Variants in PCDH9 observed in about 807,000 individuals in gnomAD.
The protein encoded by PCDH9 is protocadherin 9.
A neutral mutation model predicts 70.6 loss-of-function variants in PCDH9; 24 were observed. The ratio of observed to expected loss-of-function variants is 0.34; its 90% CI spans 0.25 to 0.48. The LOEUF (loss-of-function observed/expected upper bound fraction) is 0.48, where lower values mean the gene tolerates loss of function less well. Among genes scored for constraint, PCDH9 ranks in the 20% least tolerant of loss-of-function variants. The pLI, the probability that PCDH9 is intolerant of heterozygous loss-of-function variation, is 0.99. For missense variants in PCDH9, 1,281 were observed against 1,503.6 expected (o/e 0.85, Z 2.45); for synonymous variants, 562 against 558.5 (o/e 1.01, Z -0.09).
chr13:67,040,207 T>C (rs1451914306), intron 2 of PCDH9, among the ~76,000 whole-genome samples: 5 of 152,206 alleles, frequency 3.3e-5, no homozygotes, highest in Admixed American at 3.3e-4. Context: ...CCAGACGTTA[T>C]ATGTTGAAAC....
Position 66,571,624 on chromosome 13 carries a change from C to T in PCDH9, c.3340+59586G>A, listed in dbSNP as rs117167714. On this transcript the variant is annotated intron_variant, in intron 4 of 4. Coordinates refer to ENST00000377865, the MANE Select transcript of PCDH9 (RefSeq NM_203487.3). ...TCCTCATTATCGCTTGATAGTTCAACGGCTAAAAGACTGTTGTTTTTGTAT... is the reference window on the plus strand; with the variant it reads ...TCCTCATTATCGCTTGATAGTTCAATGGCTAAAAGACTGTTGTTTTTGTAT... Among the ~76,000 whole-genome samples, 79 of 151,950 alleles carry T rather than the reference C, an allele frequency of 5.2e-4. 1 individual carries two copies. Among genetic ancestry groups the T allele is most frequent in the East Asian group, 3.1e-3 (16 of 5,162 alleles).
intron 3 of PCDH9, among the ~76,000 whole-genome samples, chr13:66,853,937 T>C (rs1359652139): frequency 2.0e-5 from 3 of 152,078 alleles, no homozygotes; most frequent in African/African-American, 7.2e-5. Context: ...ATGATGTAAA[T>C]TGGAGAAAAA....
chr13:67,211,348 T>C (rs1237096522), intron 2 of PCDH9: 1 of 152,016 alleles, frequency 6.6e-6, no homozygotes, highest in East Asian at 1.9e-4. Context: ...AGCTTGATGG[T>C]TATCACAGAA....
chr13:66,958,782 C>T (rs1312612769), intron 2 of PCDH9, among the ~76,000 whole-genome samples: 1 of 152,060 alleles, frequency 6.6e-6, no homozygotes, highest in African/African-American at 2.4e-5. Context: ...AGGAGCTCTC[C>T]CCATTTCCAT....
intron 3 of PCDH9, among the ~76,000 whole-genome samples, chr13:66,747,380 CAAA>C: frequency 3.7e-5 from 1 of 26,718 alleles, no homozygotes; most frequent in East Asian, 9.8e-4. Flanking sequence ...CAAAACAAAA[CAAA>C]ACAAAACAAA....
At chr13:66,801,611 C>G (rs956109907) in intron 3 of PCDH9, among the ~76,000 whole-genome samples, 4 of 151,972 alleles carry the variant, frequency 2.6e-5, no homozygotes, top group African/African-American at 9.7e-5. Context: ...AGGGGAAAAT[C>G]TGCTTTCAAA....
intron 2 of PCDH9, among the ~76,000 whole-genome samples, chr13:66,920,895 T>C (rs2082627192): frequency 6.6e-6 from 1 of 151,214 alleles, no homozygotes; most frequent in Non-Finnish European, 1.5e-5. Context: ...AAACTGCTTC[T>C]TCCTATGAAT....
At chr13:66,496,612 C>T (rs962726055) in intron 4 of PCDH9, among the ~76,000 whole-genome samples, 58 of 152,132 alleles carry the variant, frequency 3.8e-4, no homozygotes, top group African/African-American at 1.4e-3. Flanking sequence ...AAACATCTGT[C>T]CTGTAATGGC....
At chr13:66,744,109 TAGAG>T (rs1745344277) in intron 3 of PCDH9, among the ~76,000 whole-genome samples, 1 of 152,200 alleles carries the variant, frequency 6.6e-6, no homozygotes, top group Non-Finnish European at 1.5e-5. Context: ...TGACTGGAAT[TAGAG>T]AGCCCCACGC....
At chr13:66,693,061 T>C (rs917175208) in intron 3 of PCDH9, among the ~76,000 whole-genome samples, 1 of 152,118 alleles carries the variant, frequency 6.6e-6, no homozygotes, top group African/African-American at 2.4e-5. Flanking sequence ...AGAAGATTCA[T>C]GGTAGTATAT....
chr13:67,055,517 C>A (rs1446433338), intron 2 of PCDH9, among the ~76,000 whole-genome samples: 2 of 152,018 alleles, frequency 1.3e-5, no homozygotes, highest in Non-Finnish European at 2.9e-5. Flanking sequence ...GGATTTATAT[C>A]CTAAGACAAA....
At chr13:66,425,662 A>T (rs1957656153) in intron 4 of PCDH9, among the ~76,000 whole-genome samples, 1 of 151,752 alleles carries the variant, frequency 6.6e-6, no homozygotes, top group Admixed American at 6.6e-5. Flanking sequence ...GGAGGGAACC[A>T]GGTGGATAGA....
intron 2 of PCDH9, among the ~76,000 whole-genome samples, chr13:67,144,414 A>C (rs1314235649): frequency 6.6e-6 from 1 of 152,160 alleles, no homozygotes; most frequent in African/African-American, 2.4e-5. Context: ...TGGAACTGTT[A>C]CTAAACAACA....
Position 67,103,066 on chromosome 13 carries a change from T to C in PCDH9, c.3036+122339A>G, listed in dbSNP as rs1195736252. ...ACAACAATAAAGGAAATAAAATAGC[T>C]CTGCTACACACATGTTTTTAAATGT... On this transcript the variant is annotated intron_variant, in intron 2 of 4. Coordinates refer to ENST00000377865, the MANE Select transcript of PCDH9 (RefSeq NM_203487.3). 3.9e-5 allele frequency among the ~76,000 whole-genome samples: 6 copies of C among 152,008 alleles called. No homozygotes were observed. The East Asian group carries it at 9.6e-4, about 24-fold the overall frequency.
At chr13:66,478,797 G>A (rs959079471) in intron 4 of PCDH9, among the ~76,000 whole-genome samples, 4 of 152,200 alleles carry the variant, frequency 2.6e-5, no homozygotes, top group African/African-American at 9.6e-5. Context: ...AAAGTACAAG[G>A]CGAAGCAGCA....
chr13:66,747,365 C>CAAAAT (rs899037441), intron 3 of PCDH9, among the ~76,000 whole-genome samples: 2 of 16,002 alleles, frequency 1.2e-4, no homozygotes, highest in African/African-American at 1.5e-4. Flanking sequence ...CAAAACAAAA[C>CAAAAT]AAAACAAAAC....
At chr13:66,693,577 A>T (rs962388775) in intron 3 of PCDH9, among the ~76,000 whole-genome samples, 1 of 152,152 alleles carries the variant, frequency 6.6e-6, no homozygotes, top group Admixed American at 6.5e-5. Flanking sequence ...CTCTCTATGG[A>T]CAATTTGTCA....
At chr13:67,147,098 T>C (rs1254053099) in intron 2 of PCDH9, among the ~76,000 whole-genome samples, 3 of 152,172 alleles carry the variant, frequency 2.0e-5, no homozygotes, top group Non-Finnish European at 4.4e-5. Flanking sequence ...GCTCCCCTCA[T>C]GTAGCCTACA....
rs574524284 is a variant in PCDH9, at chr13:66,676,581, G to C, written c.3139-45170C>G. Among the ~76,000 whole-genome samples the C allele has an allele frequency of 2.0e-5, 3 of 152,252 alleles. No individual in the cohort carries two copies. The South Asian group carries it at 6.2e-4, about 32-fold the overall frequency. On this transcript the variant is annotated intron_variant, in intron 3 of 4. Transcript: ENST00000377865. Reference sequence around the variant, plus strand: ...ATATCCATGACAGGATATCAGTGAAGCTGGAATTTTCACCTACGCCTGTTA... The same window carrying C: ...ATATCCATGACAGGATATCAGTGAACCTGGAATTTTCACCTACGCCTGTTA...
Sources: gnomAD v4.1 joint callset for allele counts (sites outside exome capture counted in the v4.1 genomes callset) on GRCh38, gnomAD v4.1.1 for gene constraint, MANE v1.5 for transcripts, NCBI Gene and HGNC (gene_info 2026-07-23, HGNC 2026-07-21) for gene names.